The following SOX6 variants were observed in gnomAD, a reference collection of about 807,000 sequenced individuals.
SOX6 encodes transcription factor SOX-6.
A neutral mutation model predicts 97.8 loss-of-function variants in SOX6; 11 were observed. The observed-to-expected ratio is 0.11, with a 90% CI of 0.07 to 0.19. SOX6 has a LOEUF of 0.19. Among genes scored for constraint, SOX6 ranks in the 10% least tolerant of loss-of-function variants. SOX6 has a pLI of 1.00. For synonymous variants in SOX6, 360 were observed against 371.4 expected (o/e 0.97, Z 0.35); for missense variants, 810 against 1,039.5 (o/e 0.78, Z 3.04).
intron 9 of SOX6, among the ~76,000 whole-genome samples, chr11:16,079,911 T>C (rs1357069087): frequency 6.6e-6 from 1 of 152,006 alleles, no homozygotes; most frequent in African/African-American, 2.4e-5. Context: ...ATATCAACCA[T>C]AGTAAAAATC....
chr11:16,040,909 T>C (rs1855644482), intron 12 of SOX6, among the ~76,000 whole-genome samples: 1 of 152,108 alleles, frequency 6.6e-6, no homozygotes, highest in Non-Finnish European at 1.5e-5. Flanking sequence ...ATATTCATTG[T>C]CGTGACATAA....
chr11:16,665,605 G>A (rs1024946505), intron 3 of SOX6, among the ~76,000 whole-genome samples: 4 of 152,154 alleles, frequency 2.6e-5, no homozygotes, highest in Admixed American at 2.6e-4. Context: ...GCCCAGGACT[G>A]GGGGGATCTT....
chr11:15,999,213 A>T (rs1854325885), intron 13 of SOX6, among the ~76,000 whole-genome samples: 1 of 152,140 alleles, frequency 6.6e-6, no homozygotes, highest in African/African-American at 2.4e-5. Context: ...ATTTCACTGG[A>T]ATGGCTTAAG....
intron 1 of SOX6, among the ~76,000 whole-genome samples, chr11:16,457,096 T>C (rs1859824327): frequency 6.6e-6 from 1 of 152,126 alleles, no homozygotes; most frequent in Non-Finnish European, 1.5e-5. Context: ...ACTCTGTTTT[T>C]CAATCTTTCA....
At chr11:16,341,293 T>TAACA (rs775463324) in intron 1 of SOX6, 41 bp from the exon 2 acceptor site, 46 of 1,606,904 alleles carry the variant, frequency 2.9e-5, no homozygotes, top group Non-Finnish European at 1.7e-6. Flanking sequence ...TGGCTGTCAA[T>TAACA]AACAAACCAT....
upstream of SOX6, among the ~76,000 whole-genome samples, chr11:16,358,073 G>A (rs1857117731): frequency 1.3e-5 from 2 of 152,128 alleles, no homozygotes; most frequent in African/African-American, 2.4e-5. Context: ...CACAGCATTT[G>A]CAACATGTGC....
chr11:16,725,232 C>T (rs1394305610), intron 2 of SOX6, among the ~76,000 whole-genome samples: 1 of 152,184 alleles, frequency 6.6e-6, no homozygotes, highest in Non-Finnish European at 1.5e-5. Context: ...ACCTTAAAAA[C>T]ATGCCAAGTG....
intron 12 of SOX6, among the ~76,000 whole-genome samples, chr11:16,036,943 A>G (rs1855535336): frequency 6.6e-6 from 1 of 152,194 alleles, no homozygotes; most frequent in South Asian, 2.1e-4. Flanking sequence ...TTTAGAATCT[A>G]CTCAGCCTTT....
chr11:16,444,011 C>CAAA (rs11448266), intron 1 of SOX6, among the ~76,000 whole-genome samples: 96 of 115,324 alleles, frequency 8.3e-4, no homozygotes, highest in Admixed American at 3.3e-3. Context: ...GACTCTGTCT[C>CAAA]AAAAAAAAAA....
intron 4 of SOX6, among the ~76,000 whole-genome samples, chr11:16,518,391 T>G (rs1473799355): frequency 6.6e-6 from 1 of 152,230 alleles, no homozygotes; most frequent in African/African-American, 2.4e-5. Flanking sequence ...GGAGTTAATC[T>G]CTTATTCTTT....
At chr11:16,061,439 ACCGG>A (rs1847950856) in intron 9 of SOX6, among the ~76,000 whole-genome samples, 1 of 151,788 alleles carries the variant, frequency 6.6e-6, no homozygotes, top group Non-Finnish European at 1.5e-5. Flanking sequence ...GATTAGAAGA[ACCGG>A]TATTGTTAAA....
chr11:16,733,337 T>A (rs1353473248), intron 2 of SOX6, among the ~76,000 whole-genome samples: 1 of 152,036 alleles, frequency 6.6e-6, no homozygotes, highest in Non-Finnish European at 1.5e-5. Context: ...CAAATACCCA[T>A]CAATGATAGA....
intron 7 of SOX6, among the ~76,000 whole-genome samples, chr11:16,100,754 T>A (rs543897968): frequency 2.2e-3 from 303 of 138,616 alleles, no homozygotes; most frequent in East Asian, 8.1e-3. Flanking sequence ...GTCTACCTTT[T>A]AAAAAAAAAA....
intron 6 of SOX6, among the ~76,000 whole-genome samples, chr11:16,139,460 TC>T (rs1850070358): frequency 6.6e-6 from 1 of 152,222 alleles, no homozygotes; most frequent in Admixed American, 6.6e-5. Context: ...AGTTCATGAA[TC>T]CATGTTCTAT....
chr11:16,721,779 CATTA>C, intron 2 of SOX6, among the ~76,000 whole-genome samples: 1 of 151,398 alleles, frequency 6.6e-6, no homozygotes, highest in Non-Finnish European at 1.5e-5. Context: ...CTGTTTTCTT[CATTA>C]ATTACCCACT....
chr11:16,575,719 A>G (rs1847980455), intron 4 of SOX6, among the ~76,000 whole-genome samples: 1 of 152,218 alleles, frequency 6.6e-6, no homozygotes, highest in South Asian at 2.1e-4. Flanking sequence ...TATAAAGTAA[A>G]GAAAGTGACT....
In SOX6 at chr11:16,508,702, G is replaced by C. The variant is rs1196181361; in HGVS notation, n.610-32314C>G. On this transcript the variant is annotated intron_variant and non_coding_transcript_variant, in intron 4 of 5. Coordinates refer to the SOX6 transcript ENST00000524520. ...ATGATGTGTGGGTAGGAGGGTGGGAGATGAGGAAAGGTTGGTTAATGAGTA... is the reference window on the plus strand; with the variant it reads ...ATGATGTGTGGGTAGGAGGGTGGGACATGAGGAAAGGTTGGTTAATGAGTA... Among the ~76,000 whole-genome samples, 3 of 152,064 alleles carry C rather than the reference G, an allele frequency of 2.0e-5. No homozygotes were observed. The East Asian group carries it at 5.8e-4, about 29-fold the overall frequency.
At chr11:16,314,077 C>A (rs943300230) in intron 3 of SOX6, 1 of 152,124 alleles carries the variant, frequency 6.6e-6, no homozygotes, top group Non-Finnish European at 1.5e-5. Flanking sequence ...AAGCTCTAAT[C>A]CACCAACTTA....
chr11:16,275,522 A>G (rs1854375330), intron 3 of SOX6, among the ~76,000 whole-genome samples: 1 of 152,148 alleles, frequency 6.6e-6, no homozygotes. Flanking sequence ...AGTTAAGCCA[A>G]TTGGTTATTA....
Sources: allele counts gnomAD v4.1 joint callset (sites outside exome capture counted in the v4.1 genomes callset), GRCh38; gene constraint gnomAD v4.1.1; transcripts MANE v1.5; gene names NCBI Gene and HGNC (gene_info 2026-07-23, HGNC 2026-07-21).